Variants in PCCA observed in about 807,000 individuals in gnomAD.
PCCA encodes the protein propionyl-CoA carboxylase subunit alpha.
A neutral mutation model predicts 101.3 loss-of-function variants in PCCA; 74 were observed. The ratio of observed to expected loss-of-function variants is 0.73; its 90% CI spans 0.61 to 0.89. PCCA has a LOEUF of 0.89. Among genes scored for constraint, PCCA ranks in the 40% least tolerant of loss-of-function variants. The pLI, the probability that PCCA is intolerant of heterozygous loss-of-function variation, is 0.00. For missense variants in PCCA, 891 were observed against 907.0 expected (o/e 0.98, Z 0.23); for synonymous variants, 294 against 313.6 (o/e 0.94, Z 0.66).
At position 100,089,369 on chromosome 13, in the gene PCCA, C is replaced by T. The variant is rs574665026; in HGVS notation, c.105+144C>T. 1.4e-4 allele frequency: 159 copies of T among 1,158,406 alleles called. No homozygotes were observed. In the African/African-American group the frequency reaches 2.3e-3, roughly 17 times the overall value. The allele number at this position is 1,158,406 out of a possible 1,614,324, so 71.8% of individuals were successfully genotyped here. ...CGCATCAGCTACACCGCTTGCTTTC[C>T]TCCCTCCCGGAGTTCGCGTGGCAGC... On this transcript the variant is annotated intron_variant, in intron 1 of 23. Coordinates refer to ENST00000376285, the MANE Select transcript of PCCA (RefSeq NM_000282.4).
At chr13:100,352,892 A>G (rs1376322594) in intron 18 of PCCA, among the ~76,000 whole-genome samples, 1 of 152,110 alleles carries the variant, frequency 6.6e-6, no homozygotes, top group Non-Finnish European at 1.5e-5. Context: ...CTTTAGAGGT[A>G]GGTTTTTCCT....
At chr13:100,207,119 G>T (rs2058906214) in intron 6 of PCCA, among the ~76,000 whole-genome samples, 1 of 152,012 alleles carries the variant, frequency 6.6e-6, no homozygotes, top group African/African-American at 2.4e-5. Flanking sequence ...TTTGTAATAG[G>T]TGCCCTAGCC....
At chr13:100,138,878 T>C (rs1216882730) in intron 4 of PCCA, among the ~76,000 whole-genome samples, 2 of 133,992 alleles carry the variant, frequency 1.5e-5, no homozygotes, top group African/African-American at 5.8e-5. Context: ...GAGGTTGCAG[T>C]GAGCCAAGAT....
Position 100,351,610 on chromosome 13 carries a change from G to A in PCCA, c.1643+11351G>A, listed in dbSNP as rs992377878. On this transcript the variant is annotated intron_variant, in intron 18 of 23. Coordinates refer to ENST00000376285, the MANE Select transcript of PCCA (RefSeq NM_000282.4). ...CATGTGGAGATGGGTGAAGTAACGA[G>A]ATGTACTAGAATGAGATTAGACATC... 3.3e-5 allele frequency among the ~76,000 whole-genome samples: 5 copies of A among 152,262 alleles called. No individual in the cohort carries two copies. In the East Asian group the frequency reaches 9.6e-4, roughly 29 times the overall value.
chr13:100,336,033 G>A (rs1287158453), intron 17 of PCCA, among the ~76,000 whole-genome samples: 2 of 152,060 alleles, frequency 1.3e-5, no homozygotes, highest in Non-Finnish European at 2.9e-5. Flanking sequence ...GAGGCCGAGT[G>A]GGGCGGATCG....
Position 100,294,007 on chromosome 13 carries a change from C to A in PCCA, c.1066-7453C>A, listed in dbSNP as rs1258695650. Among the ~76,000 whole-genome samples, 3 of 152,164 alleles carry A rather than the reference C, an allele frequency of 2.0e-5. No individual in the cohort carries two copies. In the East Asian group the frequency reaches 5.8e-4, roughly 29 times the overall value. On this transcript the variant is annotated intron_variant, in intron 12 of 23. Coordinates refer to ENST00000376285, the MANE Select transcript of PCCA (RefSeq NM_000282.4). ...AGGGCTGCCATAACAAAGTATCATA[C>A]ACTGGGGTGGCTGAAACAACAAAAA...
chr13:100,094,315 AGT>A (rs979052939), intron 1 of PCCA, among the ~76,000 whole-genome samples: 1 of 152,076 alleles, frequency 6.6e-6, no homozygotes, highest in Non-Finnish European at 1.5e-5. Context: ...AGCATGGTAA[AGT>A]GTTATATACA....
At chr13:100,325,803 CTA>C (rs376594039) in intron 16 of PCCA, among the ~76,000 whole-genome samples, 23 of 152,240 alleles carry the variant, frequency 1.5e-4, no homozygotes, top group Middle Eastern at 6.8e-3. Flanking sequence ...TGCTTTGTCC[CTA>C]AAGTCTGGAA....
At chr13:100,469,416 A>G (rs2082808190) in intron 21 of PCCA, among the ~76,000 whole-genome samples, 1 of 152,110 alleles carries the variant, frequency 6.6e-6, no homozygotes, top group Non-Finnish European at 1.5e-5. Context: ...TCAGACGACT[A>G]GAAGTGAAAC....
intron 18 of PCCA, among the ~76,000 whole-genome samples, chr13:100,344,160 C>G (rs1192763322): frequency 6.6e-6 from 1 of 152,076 alleles, no homozygotes; most frequent in African/African-American, 2.4e-5. Context: ...GTGGTACCAA[C>G]AAAGGGCTTG....
chr13:100,410,177 CCTGA>C (rs1311744779), intron 19 of PCCA, among the ~76,000 whole-genome samples: 1 of 152,178 alleles, frequency 6.6e-6, no homozygotes, highest in Admixed American at 6.5e-5. Context: ...GTCCAAATAG[CCTGA>C]CTAATTATCT....
intron 20 of PCCA, among the ~76,000 whole-genome samples, chr13:100,431,865 C>A (rs1186656731): frequency 6.7e-6 from 1 of 150,084 alleles, no homozygotes; most frequent in Admixed American, 6.7e-5. Flanking sequence ...GACTCCATCT[C>A]AAAAAAAATA....
chr13:100,334,418 A>AT (rs926554995), intron 17 of PCCA, among the ~76,000 whole-genome samples: 5 of 152,176 alleles, frequency 3.3e-5, no homozygotes, highest in Admixed American at 1.3e-4. Flanking sequence ...TGGCCTGCAT[A>AT]TTGAGCAGAG....
At chr13:100,130,139 C>G (rs1178186249) in intron 4 of PCCA, among the ~76,000 whole-genome samples, 1 of 152,200 alleles carries the variant, frequency 6.6e-6, no homozygotes, top group African/African-American at 2.4e-5. Context: ...TTTCAAGCAT[C>G]AATTTATCCA....
intron 14 of PCCA, chr13:100,305,909 T>C (rs1420118234): frequency 8.2e-6 from 3 of 364,824 alleles, no homozygotes; most frequent in African/African-American, 2.2e-5. Context: ...CAGATATCTA[T>C]ATTTTTGTTT....
intron 19 of PCCA, among the ~76,000 whole-genome samples, chr13:100,412,960 A>G (rs1204363386): frequency 1.3e-5 from 2 of 152,222 alleles, no homozygotes; most frequent in Non-Finnish European, 2.9e-5. Context: ...ACATAAAACT[A>G]TTAAACATGT....
At chr13:100,226,003 G>C (rs932397484) in intron 7 of PCCA, among the ~76,000 whole-genome samples, 5 of 152,042 alleles carry the variant, frequency 3.3e-5, no homozygotes. Context: ...TGTTGCCCAG[G>C]CTTGTCTGGA....
chr13:100,444,926 A>AGT (rs1345569493), intron 20 of PCCA, among the ~76,000 whole-genome samples: 2 of 152,170 alleles, frequency 1.3e-5, no homozygotes, highest in Non-Finnish European at 2.9e-5. Context: ...ATCCTGTCTT[A>AGT]GTAGTGTCTT....
At chr13:100,448,385 G>A (rs1248334967) in intron 20 of PCCA, among the ~76,000 whole-genome samples, 3 of 152,012 alleles carry the variant, frequency 2.0e-5, no homozygotes, top group Non-Finnish European at 4.4e-5. Flanking sequence ...TAAAGACGGG[G>A]TTTCACCATA....
Sources: gnomAD v4.1 joint callset for allele counts (sites outside exome capture counted in the v4.1 genomes callset) on GRCh38, gnomAD v4.1.1 for gene constraint, MANE v1.5 for transcripts, NCBI Gene and HGNC (gene_info 2026-07-23, HGNC 2026-07-21) for gene names.